The following ROBO2 variants were observed in gnomAD, a reference collection of about 807,000 sequenced individuals.
ROBO2 encodes the protein roundabout guidance receptor 2, also known as roundabout homolog 2.
A neutral mutation model predicts 160.8 loss-of-function variants in ROBO2; 53 were observed. The ratio of observed to expected loss-of-function variants is 0.33; its 90% CI spans 0.26 to 0.41. ROBO2 has a LOEUF of 0.41. Ranked by LOEUF, ROBO2 falls within the 10% of genes least tolerant of loss-of-function variation. The pLI is 1.00. For synonymous variants in ROBO2, 664 were observed against 611.7 expected (o/e 1.09, Z -1.26); for missense variants, 1,577 against 1,722.4 (o/e 0.92, Z 1.49).
exon 7 of ROBO2, chr3:77,546,383 A>G (rs371303330): frequency 6.2e-7 from 1 of 1,613,302 alleles, no homozygotes. Flanking sequence ...ATTGTTGCTC[A>G]AGGTCGAACA....
intron 2 of ROBO2, among the ~76,000 whole-genome samples, chr3:76,883,371 A>T (rs769563643): frequency 2.2e-4 from 33 of 152,124 alleles, no homozygotes; most frequent in Non-Finnish European, 4.6e-4. Flanking sequence ...TCATGTTCAA[A>T]TGTTGTGATT....
At chr3:75,984,534 G>A (rs2065361130) in intron 2 of ROBO2, among the ~76,000 whole-genome samples, 1 of 151,434 alleles carries the variant, frequency 6.6e-6, no homozygotes, top group Admixed American at 6.6e-5. Context: ...AAATAAATTT[G>A]TAGCATAAAT....
At chr3:77,477,635 T>A in intron 3 of ROBO2, 64 bp downstream of exon 3, 1 of 1,436,060 alleles carries the variant, frequency 7.0e-7, no homozygotes, top group Non-Finnish European at 9.8e-7. Context: ...ACAAAATAGA[T>A]GTATTTTATT....
At chr3:76,330,459 A>T (rs1033867401) in intron 2 of ROBO2, among the ~76,000 whole-genome samples, 13 of 152,210 alleles carry the variant, frequency 8.5e-5, no homozygotes, top group African/African-American at 3.1e-4. Flanking sequence ...GCAGTGTTAT[A>T]TGAGAATGAC....
intron 20 of ROBO2, among the ~76,000 whole-genome samples, chr3:77,604,764 T>C (rs545367990): frequency 6.6e-6 from 1 of 152,280 alleles, no homozygotes; most frequent in East Asian, 1.9e-4. Context: ...TCAAACCACC[T>C]TGTGGATAAC....
chr3:77,516,923 A>T lies in ROBO2; in HGVS notation c.807-5852A>T, dbSNP rs546271413. 2.6e-5 allele frequency among the ~76,000 whole-genome samples: 4 copies of T among 151,714 alleles called. No individual in the cohort carries two copies. In the South Asian group the frequency reaches 8.3e-4, roughly 31 times the overall value. ...TTCAAGCATTTGCTGATGCATCATGATATTTTCAATAAGCATTCATTGAAC... is the reference window on the plus strand; with the variant it reads ...TTCAAGCATTTGCTGATGCATCATGTTATTTTCAATAAGCATTCATTGAAC... On this transcript the variant is annotated intron_variant, in intron 5 of 25. Coordinates refer to ENST00000461745, the Ensembl canonical transcript of ROBO2.
At chr3:77,282,146 A>G (rs996397474) in intron 2 of ROBO2, among the ~76,000 whole-genome samples, 5 of 85,612 alleles carry the variant, frequency 5.8e-5, no homozygotes, top group African/African-American at 1.4e-4. Flanking sequence ...GACATAATCA[A>G]CCATTTTTTT....
chr3:77,329,179 T>C (rs565374230), intron 2 of ROBO2, among the ~76,000 whole-genome samples: 66 of 152,264 alleles, frequency 4.3e-4, no homozygotes, highest in Non-Finnish European at 8.4e-4. Flanking sequence ...AAAGAAGCAA[T>C]CTGAAGCTAA....
At chr3:77,393,671 G>C (rs954511549) in intron 2 of ROBO2, among the ~76,000 whole-genome samples, 1 of 150,370 alleles carries the variant, frequency 6.7e-6, no homozygotes, top group African/African-American at 2.4e-5. Context: ...CATAGTTCAG[G>C]ATATTCATAT....
At chr3:76,942,402 G>A (rs180765663) in intron 2 of ROBO2, among the ~76,000 whole-genome samples, 91 of 152,300 alleles carry the variant, frequency 6.0e-4, no homozygotes, top group Middle Eastern at 3.4e-3. Flanking sequence ...TATTTCCATA[G>A]ACCTGGTTTT....
At chr3:76,137,612 C>CTT (rs1370595808) in intron 2 of ROBO2, among the ~76,000 whole-genome samples, 2 of 144,832 alleles carry the variant, frequency 1.4e-5, no homozygotes, top group East Asian at 2.0e-4. Context: ...ATCAACTGCA[C>CTT]TTTTTTTTTT....
At position 77,200,267 on chromosome 3, in the gene ROBO2, T is replaced by TTATATA. The variant is rs144644165; in HGVS notation, c.388+101977_388+101982dup. 4.9e-3 allele frequency among the ~76,000 whole-genome samples: 227 copies of TTATATA among 46,402 alleles called. 1 individual carries two copies. Among genetic ancestry groups the TTATATA allele is most frequent in the Non-Finnish European group, 6.9e-3 (130 of 18,930 alleles). The allele number at this position is 46,402 out of a possible 152,430, so 30.4% of individuals were successfully genotyped here. On this transcript the variant is annotated intron_variant, in intron 2 of 25. Coordinates refer to ENST00000461745, the Ensembl canonical transcript of ROBO2. ...GTATGTATATCCTAACTAACATATT[T>TTATATA]TATATATATATATATATATATATAT...
chr3:76,607,542 A>T (rs2087755477), intron 2 of ROBO2, among the ~76,000 whole-genome samples: 1 of 152,218 alleles, frequency 6.6e-6, no homozygotes, highest in African/African-American at 2.4e-5. Flanking sequence ...TAATATTTGA[A>T]ATTGAAATAT....
intron 1 of ROBO2, among the ~76,000 whole-genome samples, chr3:77,082,313 CTAATTGT>C (rs2149939187): frequency 6.6e-6 from 1 of 152,218 alleles, no homozygotes; most frequent in East Asian, 1.9e-4. Flanking sequence ...AGTTTTCAGC[CTAATTGT>C]CAGTTGTCTA....
chr3:77,576,808 C>T (rs78745866), intron 14 of ROBO2, among the ~76,000 whole-genome samples: 4,235 of 152,084 alleles, frequency 0.028, 79 homozygotes, highest in East Asian at 0.057. Flanking sequence ...TCTTAACTTG[C>T]GGGTCAATTT....
intron 13 of ROBO2, 98 bp downstream of exon 14, chr3:77,568,532 C>A (rs560840352): frequency 1.4e-6 from 2 of 1,433,354 alleles, no homozygotes; most frequent in East Asian, 2.3e-5. Flanking sequence ...TAAAAATTCC[C>A]GCCATTTAAA....
At chr3:75,999,816 C>T (rs1333050059) in intron 2 of ROBO2, among the ~76,000 whole-genome samples, 1 of 152,160 alleles carries the variant, frequency 6.6e-6, no homozygotes, top group Non-Finnish European at 1.5e-5. Flanking sequence ...ATTAAAGCCA[C>T]ACCACATAGA....
rs1378869329 is a variant in ROBO2 at position 76,272,829 on chromosome 3, AAAT to A, written c.109+335229_109+335231del. The stretch of plus-strand genomic sequence containing the variant: ...AATATATAATATGTATTTATATATA[AAAT>A]ATATATATTATATATTATATATAAA... On this transcript the variant is annotated intron_variant, in intron 2 of 26. Coordinates refer to the ROBO2 transcript ENST00000487694. Among the ~76,000 whole-genome samples, 41 of 9,900 alleles carry A rather than the reference AAAT, an allele frequency of 4.1e-3. 1 individual carries two copies. The highest frequency in any genetic ancestry group is 0.03 in the East Asian group (4 of 134). The allele number at this position is 9,900 out of a possible 152,430, so 6.5% of individuals were successfully genotyped here.
chr3:77,207,377 A>G (rs1446860661), intron 2 of ROBO2, among the ~76,000 whole-genome samples: 1 of 152,226 alleles, frequency 6.6e-6, no homozygotes, highest in Non-Finnish European at 1.5e-5. Context: ...GTAAGCGTCA[A>G]TTTAAACTAA....
Sources: allele counts gnomAD v4.1 joint callset (sites outside exome capture counted in the v4.1 genomes callset), GRCh38; gene constraint gnomAD v4.1.1; transcripts MANE v1.5; gene names NCBI Gene and HGNC (gene_info 2026-07-23, HGNC 2026-07-21).